TSNARE1: variants seen among roughly 807,000 people sequenced by gnomAD.
TSNARE1 encodes the protein t-SNARE domain-containing protein 1.
Under a neutral mutation model 62.0 loss-of-function variants are expected in TSNARE1, and 49 were observed. The ratio of observed to expected loss-of-function variants is 0.79; its 90% CI spans 0.63 to 1.00. TSNARE1 has a LOEUF of 1.00. Ranked by LOEUF, TSNARE1 falls within the 50% of genes least tolerant of loss-of-function variation. The pLI is 0.00. For synonymous variants in TSNARE1, 328 were observed against 294.4 expected (o/e 1.11, Z -1.17); for missense variants, 755 against 700.1 (o/e 1.08, Z -0.88).
At chr8:142,221,736 T>A (rs62512618) in intron 13 of TSNARE1, among the ~76,000 whole-genome samples, 1 of 27,626 alleles carries the variant, frequency 3.6e-5, no homozygotes, top group African/African-American at 1.3e-4. Flanking sequence ...CACTCACTCA[T>A]TCACTCACTC....
intron 9 of TSNARE1, among the ~76,000 whole-genome samples, chr8:142,305,653 T>C (rs1826549166): frequency 6.6e-6 from 1 of 152,144 alleles, no homozygotes; most frequent in Admixed American, 6.5e-5. Context: ...CCTGAAAGGC[T>C]CACAAAGCGC....
intron 7 of TSNARE1, 99 bp downstream of exon 7, chr8:142,318,445 G>C: frequency 8.3e-7 from 1 of 1,209,298 alleles, no homozygotes; most frequent in Non-Finnish European, 1.2e-6. Context: ...ACACACGTCA[G>C]CCTCCCTGTA....
intron 10 of TSNARE1, among the ~76,000 whole-genome samples, chr8:142,297,055 C>T (rs1824875293): frequency 6.6e-6 from 1 of 152,220 alleles, no homozygotes; most frequent in Admixed American, 6.5e-5. Flanking sequence ...AGAGAGCGAC[C>T]TTCCACCTGC....
intron 5 of TSNARE1, 96 bp downstream of exon 5, chr8:142,331,658 A>G (rs1007041576): frequency 8.2e-7 from 1 of 1,212,848 alleles, no homozygotes; most frequent in Non-Finnish European, 1.2e-6. Context: ...GGATGGCCTG[A>G]GGGGGGAAGC....
rs923167725 is a variant in TSNARE1 at position 142,235,339 on chromosome 8, G to A, written c.1447-5760C>T. 3.9e-5 allele frequency among the ~76,000 whole-genome samples: 6 copies of A among 152,000 alleles called. No homozygotes were observed. The East Asian group carries it at 7.8e-4, about 20-fold the overall frequency. On this transcript the variant is annotated intron_variant, in intron 12 of 13. Transcript: ENST00000524325. Reference sequence around the variant, plus strand: ...GTCTAACGCGGGCCCCAGCGCCCTCGTCGGGCCATGAGGCCTCCTCGTCCC... The same window carrying A: ...GTCTAACGCGGGCCCCAGCGCCCTCATCGGGCCATGAGGCCTCCTCGTCCC...
At chr8:142,386,061 A>G in intron 1 of TSNARE1, among the ~76,000 whole-genome samples, 1 of 152,054 alleles carries the variant, frequency 6.6e-6, no homozygotes, top group Admixed American at 6.5e-5. Flanking sequence ...ATCCTCCTTC[A>G]CCACATAGCT....
chr8:142,394,311 A>AG (rs755958865), intron 1 of TSNARE1, among the ~76,000 whole-genome samples: 2 of 152,246 alleles, frequency 1.3e-5, no homozygotes, highest in African/African-American at 2.4e-5. Flanking sequence ...ACCCCACAGC[A>AG]GCAGGGCGGG....
At chr8:142,369,217 A>ACC (rs368256553) in intron 1 of TSNARE1, among the ~76,000 whole-genome samples, 140 of 152,230 alleles carry the variant, frequency 9.2e-4, no homozygotes, top group Middle Eastern at 3.4e-3. Flanking sequence ...GGGCAGGAAC[A>ACC]CCCACCCACC....
intron 12 of TSNARE1, chr8:142,271,277 A>T: frequency 1.9e-6 from 2 of 1,056,224 alleles, no homozygotes; most frequent in Non-Finnish European, 1.1e-6. Flanking sequence ...GGTCCGGTTG[A>T]GGGCCTCCAC....
chr8:142,330,411 A>G (rs1274035636), intron 6 of TSNARE1, among the ~76,000 whole-genome samples: 1 of 152,194 alleles, frequency 6.6e-6, no homozygotes, highest in Non-Finnish European at 1.5e-5. Flanking sequence ...GTCCAGTGGG[A>G]GCCCGCCAAG....
chr8:142,371,156 C>T (rs946286309), intron 1 of TSNARE1, among the ~76,000 whole-genome samples: 21 of 152,234 alleles, frequency 1.4e-4, no homozygotes, highest in African/African-American at 4.8e-5. Context: ...CCTTGAAGGA[C>T]GCAACCCTGA....
chr8:142,298,941 C>T (rs1825225452), intron 10 of TSNARE1, among the ~76,000 whole-genome samples: 2 of 152,210 alleles, frequency 1.3e-5, no homozygotes, highest in South Asian at 4.1e-4. Flanking sequence ...GGATGGAAAC[C>T]ATCTCTGTGC....
At chr8:142,279,198 G>A (rs1820990923) in intron 11 of TSNARE1, among the ~76,000 whole-genome samples, 1 of 152,248 alleles carries the variant, frequency 6.6e-6, no homozygotes, top group Non-Finnish European at 1.5e-5. Context: ...GGACCCACTG[G>A]TTTGGAAGAC....
chr8:142,269,471 G>GATA, intron 12 of TSNARE1: 1 of 985,462 alleles, frequency 1.0e-6, no homozygotes, highest in South Asian at 4.7e-5. Flanking sequence ...GCCACTGTCA[G>GATA]CCGTGCTGGG....
At chr8:142,342,023 C>T (rs528837874) in intron 4 of TSNARE1, among the ~76,000 whole-genome samples, 42 of 152,358 alleles carry the variant, frequency 2.8e-4, no homozygotes, top group Admixed American at 1.2e-3. Context: ...ACTGCTGGGG[C>T]GACTGAGCCA....
chr8:142,271,032 A>G, intron 12 of TSNARE1: 1 of 985,692 alleles, frequency 1.0e-6, no homozygotes, highest in Non-Finnish European at 1.2e-6. Flanking sequence ...TCAGCAGGGG[A>G]AAGACTGGAG....
At chr8:142,333,590 C>T (rs1332636385) in intron 4 of TSNARE1, among the ~76,000 whole-genome samples, 1 of 152,100 alleles carries the variant, frequency 6.6e-6, no homozygotes, top group Non-Finnish European at 1.5e-5. Context: ...TCTGGGTTTC[C>T]ACCAGGACAA....
intron 10 of TSNARE1, among the ~76,000 whole-genome samples, chr8:142,289,843 C>A (rs556932934): frequency 5.4e-4 from 82 of 152,354 alleles, no homozygotes; most frequent in African/African-American, 1.6e-3. Flanking sequence ...ACATACCCTG[C>A]GGCTGCGAGA....
chr8:142,300,479 G>A lies in TSNARE1; in HGVS notation c.1290+7C>T. Reference sequence around the variant, plus strand: ...AGAGTGAGCACGCTTGCCCACGCCAGCCTCACCTCCATCTGCAGGATGGCC... The same window carrying A: ...AGAGTGAGCACGCTTGCCCACGCCAACCTCACCTCCATCTGCAGGATGGCC... On this transcript the variant is annotated splice_region_variant and intron_variant, in intron 10 of 13. Coordinates refer to ENST00000524325, the MANE Select transcript of TSNARE1 (RefSeq NM_145003.5). 1.3e-6 allele frequency: 2 copies of A among 1,599,074 alleles called. No homozygotes were observed. Among genetic ancestry groups the A allele is most frequent in the Non-Finnish European group, 8.5e-7 (1 of 1,176,754 alleles).
Sources: gnomAD v4.1 joint callset for allele counts (sites outside exome capture counted in the v4.1 genomes callset) on GRCh38, gnomAD v4.1.1 for gene constraint, MANE v1.5 for transcripts, NCBI Gene and HGNC (gene_info 2026-07-23, HGNC 2026-07-21) for gene names.